CORIN: variants seen among roughly 807,000 people sequenced by gnomAD.
CORIN encodes atrial natriuretic peptide-converting enzyme.
A neutral mutation model predicts 125.3 loss-of-function variants in CORIN; 117 were observed. That is an observed-to-expected ratio of 0.93 (90% confidence interval 0.80 to 1.09). The LOEUF (loss-of-function observed/expected upper bound fraction) is 1.09. Ranked by LOEUF, CORIN falls within the 50% of genes least tolerant of loss-of-function variation. CORIN has a pLI of 0.00. For missense variants in CORIN, 1,253 were observed against 1,306.7 expected (o/e 0.96, Z 0.63); for synonymous variants, 450 against 466.4 (o/e 0.96, Z 0.45).
chr4:47,757,900 A>ATATATATATATATATG (rs1560535480), intron 4 of CORIN, among the ~76,000 whole-genome samples: 1 of 144,242 alleles, frequency 6.9e-6, no homozygotes. Context: ...ATATATATAT[A>ATATATATATATATATG]TATATACACA....
intron 12 of CORIN, 71 bp from the exon 13 acceptor site, chr4:47,653,731 T>C: frequency 7.5e-7 from 1 of 1,332,112 alleles, no homozygotes; most frequent in Non-Finnish European, 1.1e-6. Context: ...TATTTACATG[T>C]AGGATGTTGT....
chr4:47,762,279 A>C (rs1729502016), intron 4 of CORIN, among the ~76,000 whole-genome samples: 1 of 152,194 alleles, frequency 6.6e-6, no homozygotes, highest in African/African-American at 2.4e-5. Context: ...ATGTTGACAC[A>C]GTAAATGCAT....
chr4:47,683,675 G>A (rs1414277953), intron 7 of CORIN, 56 bp downstream of exon 7: 1 of 1,265,136 alleles, frequency 7.9e-7, no homozygotes, highest in African/African-American at 1.5e-5. Flanking sequence ...GTAAGTTTTT[G>A]GTTATAAATT....
chr4:47,667,174 A>G (rs1724518101), intron 10 of CORIN, among the ~76,000 whole-genome samples: 2 of 152,138 alleles, frequency 1.3e-5, no homozygotes, highest in African/African-American at 2.4e-5. Flanking sequence ...GTCTGCCACC[A>G]TGTGAGACGT....
At chr4:47,728,333 C>T (rs1204495464) in intron 5 of CORIN, among the ~76,000 whole-genome samples, 1 of 151,974 alleles carries the variant, frequency 6.6e-6, no homozygotes, top group African/African-American at 2.4e-5. Flanking sequence ...ACCTAAAAGA[C>T]ATAGATAGTA....
In CORIN at chr4:47,779,567, C is replaced by T. The variant is rs150385772; in HGVS notation, c.409+7158G>A. Among the ~76,000 whole-genome samples the T allele has an allele frequency of 3.3e-5, 5 of 152,008 alleles. No individual in the cohort carries two copies. In the East Asian group the frequency reaches 7.7e-4, roughly 24 times the overall value. ...TCTCCTGCCTCAGCCTCCCGAGTAG[C>T]TGGGATTACATGTGTTTGCCACCAT... On this transcript the variant is annotated intron_variant, in intron 3 of 21. Transcript: ENST00000273857.
intron 11 of CORIN, among the ~76,000 whole-genome samples, chr4:47,663,133 G>A (rs1201858868): frequency 6.6e-6 from 1 of 152,108 alleles, no homozygotes; most frequent in African/African-American, 2.4e-5. Flanking sequence ...TCTGTAAAAT[G>A]GAAATTACAA....
intron 5 of CORIN, among the ~76,000 whole-genome samples, chr4:47,741,363 A>G (rs1728388105): frequency 6.6e-6 from 1 of 152,072 alleles, no homozygotes; most frequent in Non-Finnish European, 1.5e-5. Flanking sequence ...TCATTAGCAA[A>G]CTGCAAATCA....
intron 2 of CORIN, among the ~76,000 whole-genome samples, chr4:47,801,555 A>T (rs1731540727): frequency 6.6e-6 from 1 of 152,242 alleles, no homozygotes; most frequent in South Asian, 2.1e-4. Context: ...GATAGTCTTG[A>T]ATGCTGACAC....
At chr4:47,831,222 C>A (rs975679033) in intron 1 of CORIN, among the ~76,000 whole-genome samples, 1 of 152,176 alleles carries the variant, frequency 6.6e-6, no homozygotes, top group African/African-American at 2.4e-5. Flanking sequence ...ATGGTTTGGA[C>A]ATGTAGAAAT....
intron 3 of CORIN, among the ~76,000 whole-genome samples, chr4:47,764,079 T>C (rs1393826756): frequency 2.0e-5 from 3 of 152,224 alleles, no homozygotes; most frequent in African/African-American, 7.2e-5. Context: ...AAAAGAATTG[T>C]TCTTTAGAAT....
intron 2 of CORIN, among the ~76,000 whole-genome samples, chr4:47,792,418 T>C (rs1468958510): frequency 6.6e-6 from 1 of 152,208 alleles, no homozygotes; most frequent in Non-Finnish European, 1.5e-5. Flanking sequence ...GTTAGAAGGC[T>C]ATTGTAATAC....
chr4:47,742,359 T>C (rs1189925728), intron 5 of CORIN, among the ~76,000 whole-genome samples: 5 of 151,968 alleles, frequency 3.3e-5, no homozygotes, highest in Non-Finnish European at 5.9e-5. Context: ...TTATTTTAGA[T>C]GACATGATTG....
chr4:47,725,752 T>C (rs1184804467), intron 5 of CORIN, among the ~76,000 whole-genome samples: 2 of 151,996 alleles, frequency 1.3e-5, no homozygotes, highest in Admixed American at 6.6e-5. Context: ...ATTAAAAAAT[T>C]GGTAAATAAA....
chr4:47,671,648 G>A (rs776976551), intron 10 of CORIN, among the ~76,000 whole-genome samples: 3 of 152,010 alleles, frequency 2.0e-5, no homozygotes, highest in Admixed American at 6.6e-5. Flanking sequence ...GCAGTGGCAC[G>A]GTCTCAGCTC....
At chr4:47,632,932 G>C (rs13127775) in intron 16 of CORIN, among the ~76,000 whole-genome samples, 39,734 of 151,750 alleles carry the variant, frequency 0.26, 5,438 homozygotes, top group Admixed American at 0.36. Flanking sequence ...AGGCTCATGC[G>C]ACCACGCCCG....
At chr4:47,657,429 G>A (rs957896894) in intron 12 of CORIN, among the ~76,000 whole-genome samples, 1 of 151,716 alleles carries the variant, frequency 6.6e-6, no homozygotes, top group African/African-American at 2.4e-5. Flanking sequence ...CAGCTACTCG[G>A]GAGGCTGAGG....
At chr4:47,811,091 C>T (rs1218704131) in intron 1 of CORIN, among the ~76,000 whole-genome samples, 1 of 152,182 alleles carries the variant, frequency 6.6e-6, no homozygotes, top group Non-Finnish European at 1.5e-5. Flanking sequence ...AAACATATCT[C>T]TCCTGAAATA....
chr4:47,769,779 T>C (rs1461855346), intron 3 of CORIN, among the ~76,000 whole-genome samples: 1 of 152,096 alleles, frequency 6.6e-6, no homozygotes, highest in Non-Finnish European at 1.5e-5. Context: ...AACAGTCTCT[T>C]CAATAAATAG....
Sources: allele counts gnomAD v4.1 joint callset (sites outside exome capture counted in the v4.1 genomes callset), GRCh38; gene constraint gnomAD v4.1.1; transcripts MANE v1.5; gene names NCBI Gene and HGNC (gene_info 2026-07-23, HGNC 2026-07-21).